MIPEP: variants seen among roughly 807,000 people sequenced by gnomAD.
MIPEP encodes mitochondrial intermediate peptidase.
A neutral mutation model predicts 90.3 loss-of-function variants in MIPEP; 79 were observed. The observed-to-expected ratio is 0.87, with a 90% CI of 0.73 to 1.05. MIPEP has a LOEUF of 1.05. Among genes scored for constraint, MIPEP ranks in the 50% least tolerant of loss-of-function variants. The pLI is 0.00. For synonymous variants in MIPEP, 334 were observed against 315.8 expected, an observed-to-expected ratio of 1.06 and a Z score of -0.61; for missense variants, 940 against 905.6, an observed-to-expected ratio of 1.04 and a Z score of -0.49.
intron 10 of MIPEP, among the ~76,000 whole-genome samples, chr13:23,852,788 T>C (rs919203412): frequency 6.6e-6 from 1 of 152,206 alleles, no homozygotes; most frequent in East Asian, 1.9e-4. Flanking sequence ...AAGAAGGCAT[T>C]GTTATCACAG....
At chr13:23,799,165 A>G (rs1316867449) in intron 16 of MIPEP, among the ~76,000 whole-genome samples, 1 of 145,758 alleles carries the variant, frequency 6.9e-6, no homozygotes, top group African/African-American at 2.6e-5. Flanking sequence ...CACCACGCGC[A>G]GCTGATTTTT....
At chr13:23,876,052 TAC>T (rs901821855) in intron 4 of MIPEP, among the ~76,000 whole-genome samples, 7 of 152,332 alleles carry the variant, frequency 4.6e-5, no homozygotes, top group Admixed American at 1.3e-4. Context: ...AAATCCTTGT[TAC>T]AGTTTTTAAT....
intron 16 of MIPEP, among the ~76,000 whole-genome samples, chr13:23,791,718 A>C (rs1214819287): frequency 8.5e-5 from 13 of 152,148 alleles, no homozygotes; most frequent in East Asian, 1.9e-4. Flanking sequence ...TCAAGCAAAA[A>C]AACAAAAACA....
At position 23,870,026 on chromosome 13, in the gene MIPEP, G is replaced by A. The variant is rs1870714175; in HGVS notation, c.773C>T (p.Ser258Leu). 1 of 1,593,396 alleles carries A rather than the reference G, an allele frequency of 6.3e-7. No individual in the cohort carries two copies. Residue 258 changes from serine (S) to leucine (L), a missense_variant, in exon 6 of 19, where the codon TCA becomes TTA. Ser to Leu is a moderately radical substitution (Grantham distance 145, BLOSUM62 -2). Coordinates refer to ENST00000382172, the MANE Select transcript of MIPEP (RefSeq NM_005932.4). The stretch of plus-strand genomic sequence containing the variant: ...AAACATACATACCAAGTCATCTGGT[G>A]ATTCTGCGTGGAGACCATCAATTAT... ...HIIIDGLHAESPDDLVREAAY... is the reference protein window; with the variant it reads ...HIIIDGLHAELPDDLVREAAY...
chr13:23,869,279 T>A lies in MIPEP; in HGVS notation c.943+13A>T. ...TCCTATTTTGCCCTTAAATGTTGGA[T>A]AAACAGGCTTACCTGGATTTTTAGC... On this transcript the variant is annotated intron_variant, in intron 7 of 18. Transcript: ENST00000382172. The A allele has an allele frequency of 6.4e-7, 1 of 1,565,976 alleles. No homozygotes were observed. The highest frequency in any genetic ancestry group is 8.6e-7 in the Non-Finnish European group (1 of 1,161,170).
At chr13:23,772,196 C>T (rs1952660017) in intron 16 of MIPEP, among the ~76,000 whole-genome samples, 1 of 152,178 alleles carries the variant, frequency 6.6e-6, no homozygotes, top group South Asian at 2.1e-4. Context: ...AAGAATGTGA[C>T]TGAGCCACCG....
chr13:23,747,508 T>C (rs1565980064), intron 18 of MIPEP: 1 of 500,006 alleles, frequency 2.0e-6, no homozygotes, highest in African/African-American at 1.9e-5. Flanking sequence ...GAACAAAAAG[T>C]GTCTAAAACA....
intron 15 of MIPEP, among the ~76,000 whole-genome samples, chr13:23,806,758 ATCTATCTG>A (rs1232257381): frequency 2.0e-5 from 3 of 151,014 alleles, no homozygotes; most frequent in Non-Finnish European, 4.4e-5. Flanking sequence ...CTATCTATCT[ATCTATCTG>A]TAGGCAGAAA....
chr13:23,761,012 A>G (rs1436006402), intron 16 of MIPEP, among the ~76,000 whole-genome samples: 1 of 152,198 alleles, frequency 6.6e-6, no homozygotes, highest in Non-Finnish European at 1.5e-5. Context: ...AAAACCTTCC[A>G]TGTTTTTACC....
At chr13:23,732,085 G>A (rs571382179) in intron 18 of MIPEP, among the ~76,000 whole-genome samples, 1 of 150,602 alleles carries the variant, frequency 6.6e-6, no homozygotes, top group South Asian at 2.1e-4. Context: ...GACTTCCCAG[G>A]CTGAAGTGAT....
chr13:23,784,841 C>A (rs908138581), intron 16 of MIPEP, among the ~76,000 whole-genome samples: 2 of 152,168 alleles, frequency 1.3e-5, no homozygotes, highest in African/African-American at 4.8e-5. Context: ...TATGAACAGA[C>A]ACTTCTCAAA....
chr13:23,884,810 G>C (rs908531553), intron 2 of MIPEP, among the ~76,000 whole-genome samples: 1 of 152,170 alleles, frequency 6.6e-6, no homozygotes, highest in African/African-American at 2.4e-5. Flanking sequence ...CACACAGTAC[G>C]TGCTCAACAT....
At chr13:23,882,857 CA>C (rs564811283) in intron 2 of MIPEP, among the ~76,000 whole-genome samples, 193 of 151,816 alleles carry the variant, frequency 1.3e-3, no homozygotes, top group African/African-American at 4.5e-3. Context: ...AAATTTACAA[CA>C]TTTTTTTTTT....
chr13:23,839,615 T>A (rs1439362456), intron 12 of MIPEP, 34 bp downstream of exon 12: 9 of 1,503,736 alleles, frequency 6.0e-6, no homozygotes, highest in Non-Finnish European at 8.3e-6. Flanking sequence ...TGCCGATCGG[T>A]TCTAGAGAGA....
intron 18 of MIPEP, among the ~76,000 whole-genome samples, chr13:23,737,853 T>C (rs889070619): frequency 2.6e-5 from 4 of 152,242 alleles, no homozygotes; most frequent in Non-Finnish European, 2.9e-5. Context: ...ATTTCATAAA[T>C]ACAGGGGATT....
At chr13:23,804,386 T>C (rs2137397904) in intron 16 of MIPEP, among the ~76,000 whole-genome samples, 1 of 152,214 alleles carries the variant, frequency 6.6e-6, no homozygotes, top group Non-Finnish European at 1.5e-5. Context: ...AACAAAAACA[T>C]ACAAGCCCAA....
intron 18 of MIPEP, among the ~76,000 whole-genome samples, chr13:23,733,438 C>T (rs2138476648): frequency 1.3e-5 from 2 of 152,272 alleles, no homozygotes; most frequent in East Asian, 1.9e-4. Flanking sequence ...CCAGGGCAAC[C>T]AACAGAAAAG....
At chr13:23,794,772 A>G (rs993405683) in intron 16 of MIPEP, among the ~76,000 whole-genome samples, 1 of 152,212 alleles carries the variant, frequency 6.6e-6, no homozygotes, top group Non-Finnish European at 1.5e-5. Context: ...TAATTTCCTC[A>G]TGTTTTAAAT....
intron 9 of MIPEP, among the ~76,000 whole-genome samples, chr13:23,860,769 C>A (rs544041167): frequency 6.6e-6 from 1 of 152,278 alleles, no homozygotes; most frequent in African/African-American, 2.4e-5. Context: ...GAATCCAAGA[C>A]GGCTTCGAGT....
Sources: allele counts gnomAD v4.1 joint callset (sites outside exome capture counted in the v4.1 genomes callset), GRCh38; gene constraint gnomAD v4.1.1; transcripts MANE v1.5; gene names NCBI Gene and HGNC (gene_info 2026-07-23, HGNC 2026-07-21).